The following AS3MT variants were observed in gnomAD, a reference collection of about 807,000 sequenced individuals.
AS3MT encodes arsenite methyltransferase.
A neutral mutation model predicts 45.3 loss-of-function variants in AS3MT; 47 were observed. The ratio of observed to expected loss-of-function variants is 1.04; its 90% CI spans 0.82 to 1.32. The LOEUF is 1.32. AS3MT is among the 40% of genes most tolerant of loss of function. AS3MT has a pLI of 0.00. For missense variants in AS3MT, 396 were observed against 451.1 expected, an observed-to-expected ratio of 0.88 and a Z score of 1.11; for synonymous variants, 141 against 152.8, an observed-to-expected ratio of 0.92 and a Z score of 0.57.
intron 10 of AS3MT, among the ~76,000 whole-genome samples, chr10:102,891,665 G>T (rs1365891303): frequency 6.6e-6 from 1 of 151,972 alleles, no homozygotes; most frequent in African/African-American, 2.4e-5. Context: ...ATAAAAGGAG[G>T]AGCTGGGTGC....
chr10:102,879,490 G>GT (rs1160464794), intron 9 of AS3MT, among the ~76,000 whole-genome samples: 2 of 151,982 alleles, frequency 1.3e-5, no homozygotes, highest in Non-Finnish European at 2.9e-5. Flanking sequence ...TTTTGGCCAG[G>GT]TGCGGTGGCT....
chr10:102,872,991 C>A, intron 4 of AS3MT, 106 bp from the exon 5 acceptor site: 1 of 969,262 alleles, frequency 1.0e-6, no homozygotes, highest in Non-Finnish European at 1.5e-6. Context: ...TATGTTTATC[C>A]AAAATAATCT....
At position 102,874,630 on chromosome 10, in the gene AS3MT, A is replaced by G; in HGVS notation, c.497A>G (p.Gln166Arg). 1.2e-6 allele frequency: 2 copies of G among 1,610,478 alleles called. No individual in the cohort carries two copies. Among genetic ancestry groups the G allele is most frequent in the East Asian group, 4.5e-5 (2 of 44,742 alleles). Residue 166 changes from glutamine to arginine, a missense_variant, in exon 6 of 11, where the codon CAA becomes CGA. Coordinates refer to ENST00000369880, the MANE Select transcript of AS3MT (RefSeq NM_020682.4). ...CVINLVPDKQ[Q>R]VLQEAYRVLK... ...ATTAACCTTGTGCCTGATAAACAAC[A>G]AGTGCTTCAGGAGGCATATCGGGTG...
intron 2 of AS3MT, 87 bp downstream of exon 2, chr10:102,869,932 C>A (rs1282265276): frequency 1.3e-6 from 2 of 1,584,830 alleles, no homozygotes; most frequent in African/African-American, 2.7e-5. Context: ...CCCGGGACTC[C>A]TGGAGTCGGG....
intron 8 of AS3MT, 31 bp from the exon 9 acceptor site, chr10:102,878,818 G>A (rs756311102): frequency 6.2e-7 from 1 of 1,606,774 alleles, no homozygotes; most frequent in Admixed American, 1.7e-5. Context: ...GGGAGTGCTG[G>A]AGATGAACCG....
At chr10:102,883,164 A>C (rs1278037758) in intron 9 of AS3MT, among the ~76,000 whole-genome samples, 3 of 150,114 alleles carry the variant, frequency 2.0e-5, no homozygotes, top group African/African-American at 7.4e-5. Flanking sequence ...GCAGTGGTGC[A>C]ATCTCGGCTC....
chr10:102,897,320 C>G (rs1484033137), intron 10 of AS3MT, among the ~76,000 whole-genome samples: 2 of 150,136 alleles, frequency 1.3e-5, no homozygotes, highest in African/African-American at 4.9e-5. Flanking sequence ...GGAGGCGGAG[C>G]TTGCAGTGAG....
At chr10:102,890,423 C>T (rs1438791740) in intron 9 of AS3MT, 121 bp from the exon 10 acceptor site, 25 of 738,814 alleles carry the variant, frequency 3.4e-5, no homozygotes, top group Non-Finnish European at 5.0e-5. Context: ...TAAATTCCCA[C>T]CAACAGTGTG....
intron 10 of AS3MT, among the ~76,000 whole-genome samples, chr10:102,896,271 T>C (rs1323305507): frequency 6.9e-6 from 1 of 145,260 alleles, no homozygotes; most frequent in Non-Finnish European, 1.5e-5. Flanking sequence ...ATGTGGAGGC[T>C]GTAGTGAGCC....
chr10:102,880,316 A>G (rs1844853670), intron 9 of AS3MT, among the ~76,000 whole-genome samples: 1 of 151,916 alleles, frequency 6.6e-6, no homozygotes, highest in Non-Finnish European at 1.5e-5. Context: ...TTTTTTCTGA[A>G]TGTCACTAGA....
intron 10 of AS3MT, among the ~76,000 whole-genome samples, chr10:102,890,886 G>GT (rs1249186290): frequency 6.6e-6 from 1 of 151,834 alleles, no homozygotes; most frequent in Non-Finnish European, 1.5e-5. Context: ...TAATTTTTGT[G>GT]TTTTTTAGTA....
At chr10:102,870,036 G>GCTT in intron 2 of AS3MT, 48 bp from the exon 3 acceptor site, 1 of 1,602,728 alleles carries the variant, frequency 6.2e-7, no homozygotes, top group Non-Finnish European at 8.5e-7. Context: ...TGCAGTCACA[G>GCTT]CTCTTCTCCC....
chr10:102,869,687 C>G (rs370100915), intron 1 of AS3MT, 94 bp downstream of exon 1: 12 of 1,513,202 alleles, frequency 7.9e-6, no homozygotes, highest in Non-Finnish European at 8.9e-6. Context: ...CGAGCTGTGT[C>G]TCGAGACCTT....
chr10:102,885,508 T>TCACATGTTGGCAAGGCTGG (rs1564793629), intron 9 of AS3MT, among the ~76,000 whole-genome samples: 251 of 16,796 alleles, frequency 0.015, 11 homozygotes, highest in Non-Finnish European at 0.02. Flanking sequence ...TTTTTTTTTT[T>TCACATGTTGGCAAGGCTGG]TTTTTTTTTT....
chr10:102,891,085 C>T (rs765050047), intron 10 of AS3MT, among the ~76,000 whole-genome samples: 9 of 152,168 alleles, frequency 5.9e-5, no homozygotes, highest in African/African-American at 1.7e-4. Context: ...ACCAGTTAAA[C>T]GCCACCATTT....
chr10:102,871,081 T>C (rs1311823801), intron 3 of AS3MT, among the ~76,000 whole-genome samples: 1 of 152,060 alleles, frequency 6.6e-6, no homozygotes, highest in Admixed American at 6.6e-5. Context: ...CTGTCTCTAC[T>C]GAAAATACAA....
chr10:102,880,570 A>G (rs1179850230), intron 9 of AS3MT, among the ~76,000 whole-genome samples: 1 of 152,220 alleles, frequency 6.6e-6, no homozygotes, highest in Non-Finnish European at 1.5e-5. Context: ...AAGCAACAAA[A>G]AAACCAGACC....
intron 10 of AS3MT, among the ~76,000 whole-genome samples, chr10:102,896,131 A>C (rs896691327): frequency 1.3e-5 from 2 of 151,686 alleles, no homozygotes; most frequent in African/African-American, 4.8e-5. Context: ...CAGGAGGTCA[A>C]GACCAGCCTG....
rs1844865479 is a variant in AS3MT at position 102,881,393 on chromosome 10, T to G, written c.885+2402T>G. On this transcript the variant is annotated intron_variant, in intron 9 of 10. Transcript: ENST00000369880. The surrounding 1 kb of genome is among the most constrained non-coding windows in gnomAD (Gnocchi z 4.2). Reference sequence around the variant, plus strand: ...ATGCTAAATCTCTCTGGTAATTAACTAAATAAAAATCATTTTATACTATTA... The same window carrying G: ...ATGCTAAATCTCTCTGGTAATTAACGAAATAAAAATCATTTTATACTATTA... Among the ~76,000 whole-genome samples the G allele has an allele frequency of 1.3e-5, 2 of 152,236 alleles. No individual in the cohort carries two copies. Among genetic ancestry groups the G allele is most frequent in the South Asian group, 4.1e-4 (2 of 4,832 alleles).
Sources: allele counts gnomAD v4.1 joint callset (sites outside exome capture counted in the v4.1 genomes callset), GRCh38; gene constraint gnomAD v4.1.1; non-coding constraint Gnocchi (gnomAD v3.1); transcripts MANE v1.5; gene names NCBI Gene and HGNC (gene_info 2026-07-23, HGNC 2026-07-21).